The following TEC variants were observed in gnomAD, a reference collection of about 807,000 sequenced individuals.
TEC encodes the protein tec protein tyrosine kinase, also known as tyrosine-protein kinase Tec.
Under a neutral mutation model 93.0 loss-of-function variants are expected in TEC, and 72 were observed. That is an observed-to-expected ratio of 0.77 (90% CI 0.64 to 0.94). The LOEUF (loss-of-function observed/expected upper bound fraction) is 0.94. Among genes scored for constraint, TEC ranks in the 40% least tolerant of loss-of-function variants. The pLI, the probability that TEC is intolerant of heterozygous loss-of-function variation, is 0.00. For missense variants in TEC, 630 were observed against 757.9 expected (o/e 0.83, Z 1.98); for synonymous variants, 249 against 247.7 (o/e 1.01, Z -0.05).
At chr4:48,211,202 A>G (rs1354407227) in intron 2 of TEC, among the ~76,000 whole-genome samples, 2 of 152,212 alleles carry the variant, frequency 1.3e-5, no homozygotes, top group Non-Finnish European at 2.9e-5. Context: ...AAATTCTGTA[A>G]ACTCAGAGAT....
intron 2 of TEC, among the ~76,000 whole-genome samples, chr4:48,186,389 C>A (rs1288858550): frequency 2.0e-5 from 3 of 151,208 alleles, no homozygotes; most frequent in Non-Finnish European, 4.4e-5. Flanking sequence ...TCTTCCCGGC[C>A]GCCATCCCGT....
At chr4:48,178,948 A>G (rs564600567) in intron 2 of TEC, among the ~76,000 whole-genome samples, 1 of 152,224 alleles carries the variant, frequency 6.6e-6, no homozygotes, top group African/African-American at 2.4e-5. Context: ...TGTTATCGAA[A>G]ACATTACTGA....
chr4:48,268,871 CCA>C (rs1364035742), intron 1 of TEC, among the ~76,000 whole-genome samples: 3 of 152,194 alleles, frequency 2.0e-5, no homozygotes, highest in Non-Finnish European at 2.9e-5. Context: ...ATCAAATATT[CCA>C]GTTTCCAAAG....
intron 1 of TEC, among the ~76,000 whole-genome samples, chr4:48,263,649 A>T (rs1199722499): frequency 6.6e-6 from 1 of 151,982 alleles, no homozygotes; most frequent in Non-Finnish European, 1.5e-5. Context: ...AGGAGCTGAG[A>T]TCATGCCACT....
At chr4:48,197,013 G>A (rs567108281) in intron 2 of TEC, among the ~76,000 whole-genome samples, 82 of 152,286 alleles carry the variant, frequency 5.4e-4, no homozygotes, top group African/African-American at 1.9e-3. Flanking sequence ...TTTAACACAC[G>A]ATAGCAGGGA....
At chr4:48,215,762 C>T (rs184741378) in intron 2 of TEC, among the ~76,000 whole-genome samples, 105 of 152,222 alleles carry the variant, frequency 6.9e-4, no homozygotes, top group African/African-American at 2.4e-3. Context: ...TTATAACAAC[C>T]ATATTATTGA....
chr4:48,163,208 G>A (rs1021161868), intron 8 of TEC, among the ~76,000 whole-genome samples: 1 of 152,130 alleles, frequency 6.6e-6, no homozygotes, highest in African/African-American at 2.4e-5. Flanking sequence ...GAAATAAAAT[G>A]TAGCTAGGAA....
intron 1 of TEC, among the ~76,000 whole-genome samples, chr4:48,266,117 A>C (rs1724632928): frequency 6.6e-6 from 1 of 152,256 alleles, no homozygotes; most frequent in Admixed American, 6.5e-5. Flanking sequence ...ATCTACACTC[A>C]GTCAAACTAT....
chr4:48,205,022 G>A (rs1577634868), intron 2 of TEC, among the ~76,000 whole-genome samples: 1 of 152,268 alleles, frequency 6.6e-6, no homozygotes, highest in African/African-American at 2.4e-5. Flanking sequence ...GAAAGACCTG[G>A]TTTAAATGCC....
In TEC at chr4:48,170,313, T is replaced by TA; in HGVS notation, c.388dup (p.Tyr130LeufsTer5). On this transcript the variant is annotated frameshift_variant, in exon 5 of 18. Coordinates refer to ENST00000381501, the MANE Select transcript of TEC (RefSeq NM_003215.3). LOFTEE classifies it high-confidence loss of function. ...TTTTTCAGTTTGTCTACAACACTGA[T>TA]AACTTCCATCTGTCCAGAATTTAGG... The TA allele has an allele frequency of 6.4e-7, 1 of 1,554,190 alleles. No individual in the cohort carries two copies.
intron 9 of TEC, among the ~76,000 whole-genome samples, chr4:48,155,489 T>A (rs1208588679): frequency 6.6e-6 from 1 of 152,248 alleles, no homozygotes; most frequent in Admixed American, 6.5e-5. Flanking sequence ...GACGGGCATT[T>A]ACTGCCTTGC....
chr4:48,166,213 G>GT (rs1720867549), intron 7 of TEC, among the ~76,000 whole-genome samples: 1 of 145,668 alleles, frequency 6.9e-6, no homozygotes, highest in Non-Finnish European at 1.5e-5. Flanking sequence ...GAGAGATAGA[G>GT]CCAGGGCAGG....
chr4:48,194,721 T>C (rs2109586967), intron 2 of TEC, among the ~76,000 whole-genome samples: 1 of 152,254 alleles, frequency 6.6e-6, no homozygotes, highest in East Asian at 1.9e-4. Flanking sequence ...AAAATGTATT[T>C]TGGAGCCAGG....
chr4:48,182,284 C>CA (rs34844220), intron 2 of TEC, among the ~76,000 whole-genome samples: 79,327 of 140,762 alleles, frequency 0.56, 21,831 homozygotes, highest in Admixed American at 0.66. Context: ...GACTCCATCT[C>CA]AAAAAAAAAA....
At chr4:48,178,667 A>G (rs1721430567) in intron 2 of TEC, among the ~76,000 whole-genome samples, 2 of 152,164 alleles carry the variant, frequency 1.3e-5, no homozygotes, top group South Asian at 4.1e-4. Flanking sequence ...CATGGACAAA[A>G]GGGGTTCTAA....
At chr4:48,263,115 A>T (rs1281075166) in intron 1 of TEC, among the ~76,000 whole-genome samples, 1 of 152,204 alleles carries the variant, frequency 6.6e-6, no homozygotes, top group Non-Finnish European at 1.5e-5. Context: ...GAAAGTCGTG[A>T]TCATCCACAA....
chr4:48,212,089 ACT>A (rs891154599), intron 2 of TEC, among the ~76,000 whole-genome samples: 5 of 96,998 alleles, frequency 5.2e-5, no homozygotes, highest in African/African-American at 2.0e-4. Flanking sequence ...ACAGAGTGAG[ACT>A]CTGTCTCAAA....
At chr4:48,162,928 G>A (rs1387431071) in intron 8 of TEC, among the ~76,000 whole-genome samples, 2 of 152,184 alleles carry the variant, frequency 1.3e-5, no homozygotes, top group South Asian at 2.1e-4. Context: ...GACAGCATGC[G>A]TTGGGAACCC....
At chr4:48,245,298 A>AG (rs942346898) in intron 1 of TEC, among the ~76,000 whole-genome samples, 1 of 151,600 alleles carries the variant, frequency 6.6e-6, no homozygotes, top group African/African-American at 2.4e-5. Flanking sequence ...TCTCCAGGAA[A>AG]AAAAAAAAAA....
Sources: allele counts gnomAD v4.1 joint callset (sites outside exome capture counted in the v4.1 genomes callset), GRCh38; gene constraint gnomAD v4.1.1; transcripts MANE v1.5; gene names NCBI Gene and HGNC (gene_info 2026-07-23, HGNC 2026-07-21).